The following OSER1 variants were observed in gnomAD, a reference collection of about 807,000 sequenced individuals.
OSER1 encodes oxidative stress responsive serine rich 1.
In OSER1, 15 loss-of-function variants were observed where a neutral mutation model predicts 26.3. That is an observed-to-expected ratio of 0.57 (90% CI 0.38 to 0.88). The LOEUF (loss-of-function observed/expected upper bound fraction) is 0.88. OSER1 is among the 40% of genes least tolerant of loss of function. The pLI is 0.00. For missense variants in OSER1, 313 were observed against 353.9 expected (o/e 0.88, Z 0.93); for synonymous variants, 127 against 128.2 (o/e 0.99, Z 0.07).
intron 2 of OSER1, 57 bp from the exon 3 acceptor site, chr20:44,203,131 T>C (rs1329862003): frequency 8.4e-6 from 7 of 832,514 alleles, no homozygotes; most frequent in East Asian, 4.9e-5. Context: ...GGAGAACATA[T>C]TGTTCTCACT....
chr20:44,200,355 G>A (rs1197787526), intron 3 of OSER1, among the ~76,000 whole-genome samples: 3 of 152,168 alleles, frequency 2.0e-5, no homozygotes, highest in Non-Finnish European at 4.4e-5. Context: ...TCTATCCTGC[G>A]ACTGTCTCAG....
chr20:44,206,733 C>A (rs1485465484), intron 2 of OSER1, 148 bp downstream of exon 2: 6 of 508,508 alleles, frequency 1.2e-5, no homozygotes, highest in African/African-American at 1.9e-5. Flanking sequence ...CAATACTGTG[C>A]AGAATCTGGA....
intron 3 of OSER1, among the ~76,000 whole-genome samples, chr20:44,202,490 T>C (rs1217852387): frequency 6.6e-6 from 1 of 151,882 alleles, no homozygotes; most frequent in Non-Finnish European, 1.5e-5. Context: ...ATAATAAAAG[T>C]TTCAATTCAC....
chr20:44,202,035 T>C (rs963638399), intron 3 of OSER1, among the ~76,000 whole-genome samples: 1 of 152,238 alleles, frequency 6.6e-6, no homozygotes, highest in African/African-American at 2.4e-5. Flanking sequence ...CCTAGTCATA[T>C]GCTATTTATA....
chr20:44,199,070 A>G (rs1436690977), intron 3 of OSER1, among the ~76,000 whole-genome samples: 1 of 152,230 alleles, frequency 6.6e-6, no homozygotes, highest in African/African-American at 2.4e-5. Context: ...TTACTTAACA[A>G]TGGCCCCACA....
chr20:44,197,529 G>A lies in OSER1; in HGVS notation c.402C>T (p.Ser134=), dbSNP rs1328207012. The A allele has an allele frequency of 6.2e-7, 1 of 1,613,898 alleles. No individual in the cohort carries two copies. Among genetic ancestry groups the A allele is most frequent in the Non-Finnish European group, 8.5e-7 (1 of 1,179,888 alleles). Residue 134 remains serine (S), a synonymous_variant, in exon 4 of 4, where the codon AGC becomes AGT. Transcript: ENST00000255174. ...SSPKEFSAGE[S]STSLDANHTG... is the part of the protein sequence containing the mutation. ...TGTGATTAGCATCGAGAGAAGTAGA[G>A]CTTTCTCCTGCACTGAACTCTTTAG...
chr20:44,199,443 A>G (rs1046646465), intron 3 of OSER1, among the ~76,000 whole-genome samples: 7 of 152,134 alleles, frequency 4.6e-5, no homozygotes, highest in African/African-American at 1.7e-4. Context: ...ATGCTCTTAC[A>G]CTTCCCAGCC....
At chr20:44,198,945 C>T (rs536294332) in intron 3 of OSER1, among the ~76,000 whole-genome samples, 1 of 152,348 alleles carries the variant, frequency 6.6e-6, no homozygotes, top group Non-Finnish European at 1.5e-5. Context: ...ATCATCCCTT[C>T]GTCCAGGGTA....
intron 3 of OSER1, among the ~76,000 whole-genome samples, chr20:44,199,157 T>C (rs777224275): frequency 5.4e-4 from 82 of 152,226 alleles, no homozygotes; most frequent in Non-Finnish European, 1.0e-3. Flanking sequence ...TTAGAATGTG[T>C]CACCCAAAAG....
At chr20:44,211,664 A>AT (rs2073111706), upstream of OSER1, among the ~76,000 whole-genome samples, 1 of 152,082 alleles carries the variant, frequency 6.6e-6, no homozygotes, top group South Asian at 2.1e-4. Flanking sequence ...GATTCTTTAC[A>AT]TTTTTCTGAT....
chr20:44,210,386 G>A (rs1417681658), intron 1 of OSER1, among the ~76,000 whole-genome samples: 1 of 152,244 alleles, frequency 6.6e-6, no homozygotes, highest in African/African-American at 2.4e-5. Flanking sequence ...AGGGGCAAAG[G>A]GCGGCCAAGG....
chr20:44,202,864 CTATA>C, intron 3 of OSER1, 93 bp downstream of exon 3: 1 of 661,324 alleles, frequency 1.5e-6, no homozygotes, highest in Non-Finnish European at 2.7e-6. Context: ...GTCTTAGGTT[CTATA>C]TCATAACCTA....
At chr20:44,199,134 G>A (rs2072954672) in intron 3 of OSER1, among the ~76,000 whole-genome samples, 1 of 152,188 alleles carries the variant, frequency 6.6e-6, no homozygotes, top group Non-Finnish European at 1.5e-5. Context: ...GCCACGAAGT[G>A]CTTCTGCTGT....
chr20:44,200,604 C>T (rs188311610), intron 3 of OSER1, among the ~76,000 whole-genome samples: 2 of 152,324 alleles, frequency 1.3e-5, no homozygotes, highest in African/African-American at 4.8e-5. Flanking sequence ...AGAGAGATGA[C>T]AGAGTAAGTC....
chr20:44,207,270 T>C (rs1448045692), intron 1 of OSER1: 1 of 211,612 alleles, frequency 4.7e-6, no homozygotes, highest in Non-Finnish European at 9.4e-6. Context: ...AAAATCTATG[T>C]TTCAGTATAC....
chr20:44,209,917 A>T (rs1339712005), intron 1 of OSER1: 1 of 152,306 alleles, frequency 6.6e-6, no homozygotes. Context: ...CAGAAAGCGT[A>T]GAGTATGGGG....
intron 2 of OSER1, among the ~76,000 whole-genome samples, chr20:44,203,694 TCACACACA>T (rs139060435): frequency 6.6e-4 from 96 of 145,450 alleles, no homozygotes; most frequent in East Asian, 5.6e-3. Context: ...CAGACTTTTT[TCACACACA>T]CACACACACA....
chr20:44,200,012 A>C (rs1243545658), intron 3 of OSER1, among the ~76,000 whole-genome samples: 1 of 152,236 alleles, frequency 6.6e-6, no homozygotes, highest in Non-Finnish European at 1.5e-5. Flanking sequence ...GCTTGTGGAC[A>C]CTGCTCCAGT....
chr20:44,204,325 C>T (rs1475811655), intron 2 of OSER1, among the ~76,000 whole-genome samples: 1 of 152,090 alleles, frequency 6.6e-6, no homozygotes, highest in Non-Finnish European at 1.5e-5. Flanking sequence ...TGTAAACTGG[C>T]AACAATATAA....
Sources: gnomAD v4.1 joint callset for allele counts (sites outside exome capture counted in the v4.1 genomes callset) on GRCh38, gnomAD v4.1.1 for gene constraint, MANE v1.5 for transcripts, NCBI Gene and HGNC (gene_info 2026-07-23, HGNC 2026-07-21) for gene names.